The following TTBK2 variants were observed in gnomAD, a reference collection of about 807,000 sequenced individuals.
TTBK2 encodes the protein tau tubulin kinase 2.
A neutral mutation model predicts 110.8 loss-of-function variants in TTBK2; 28 were observed. The ratio of observed to expected loss-of-function variants is 0.25; its 90% CI spans 0.19 to 0.35. The LOEUF (loss-of-function observed/expected upper bound fraction) is 0.35, where lower values mean the gene tolerates loss of function less well. Among genes scored for constraint, TTBK2 ranks in the 10% least tolerant of loss-of-function variants. The probability of loss-of-function intolerance (pLI) is 1.00; values close to 1 mark genes in which losing one functional copy is unlikely to be tolerated. For missense variants in TTBK2, 1,369 were observed against 1,500.3 expected, an observed-to-expected ratio of 0.91 and a Z score of 1.45; for synonymous variants, 532 against 527.3, an observed-to-expected ratio of 1.01 and a Z score of -0.12.
At chr15:42,816,081 AATAAATATATATATATATATATATATAT>A (rs1892000104) in intron 7 of TTBK2, among the ~76,000 whole-genome samples, 1 of 60,318 alleles carries the variant, frequency 1.7e-5, no homozygotes, top group African/African-American at 9.9e-5. Context: ...AAAATAAATA[AATAAATATATATATATATATATATATAT>A]ATATATATAT....
chr15:42,801,024 T>A, intron 9 of TTBK2: 1 of 765,784 alleles, frequency 1.3e-6, no homozygotes, highest in Non-Finnish European at 2.4e-6. Context: ...TTCGATCTTC[T>A]TCATGACCAC....
chr15:42,794,600 T>G (rs766658894), intron 10 of TTBK2, 44 bp downstream of exon 10: 38 of 1,613,890 alleles, frequency 2.4e-5, no homozygotes, highest in Non-Finnish European at 3.2e-5. Flanking sequence ...GCAAATATAA[T>G]ACATCCAGGA....
chr15:42,847,038 T>C (rs1893497008), intron 3 of TTBK2, among the ~76,000 whole-genome samples: 1 of 152,148 alleles, frequency 6.6e-6, no homozygotes, highest in Admixed American at 6.5e-5. Context: ...GTAAACATGT[T>C]TCCCTGAGTT....
chr15:42,790,288 AT>A (rs5812234), intron 10 of TTBK2, among the ~76,000 whole-genome samples: 62 of 144,348 alleles, frequency 4.3e-4, no homozygotes, highest in Admixed American at 7.6e-4. Context: ...TTCTTTGTCT[AT>A]TTTTTTTTTT....
chr15:42,835,428 C>T lies in TTBK2; in HGVS notation c.291+4932G>A, dbSNP rs187097167. The stretch of plus-strand genomic sequence containing the variant: ...GACAGAAATACATATTAAAGACAAC[C>T]ACAGGGAAACAACCAGCAAAATCCA... On this transcript the variant is annotated intron_variant, in intron 4 of 14. Coordinates refer to ENST00000267890, the MANE Select transcript of TTBK2 (RefSeq NM_173500.4). Among the ~76,000 whole-genome samples, 45 of 152,020 alleles carry T rather than the reference C, an allele frequency of 3.0e-4. No homozygotes were observed. The Middle Eastern group carries it at 0.01, about 34-fold the overall frequency.
At chr15:42,850,412 T>C (rs150562100) in intron 3 of TTBK2, among the ~76,000 whole-genome samples, 2 of 152,252 alleles carry the variant, frequency 1.3e-5, no homozygotes, top group African/African-American at 4.8e-5. Flanking sequence ...CAATGGTACT[T>C]TGAATTTTGG....
intron 10 of TTBK2, among the ~76,000 whole-genome samples, chr15:42,791,328 T>C (rs1414441286): frequency 6.6e-6 from 1 of 152,208 alleles, no homozygotes; most frequent in African/African-American, 2.4e-5. Flanking sequence ...AGTTCTCTGT[T>C]TTTAAATCTA....
In TTBK2 at chr15:42,777,188, G is replaced by A. The variant is rs367624684; in HGVS notation, c.1252C>T (p.Pro418Ser). Residue 418 changes from proline (P) to serine (S), a missense_variant, in exon 12 of 15, where the codon CCA becomes TCA. Pro to Ser is a moderately conservative substitution (Grantham distance 74, BLOSUM62 -1). This residue lies in a region of TTBK2 where 1,097 missense variants were observed against 1,114.7 expected (regional missense o/e 0.98). Transcript: ENST00000267890. ...ACACGAATTGGTGACCCAAGGCTTG[G>A]AGCATTGAGAAGACCATTTGCCTGG... ...HGQANGLLNAPSLGSPIRVRS... is the reference protein window; with the variant it reads ...HGQANGLLNASSLGSPIRVRS... The A allele has an allele frequency of 2.5e-6, 4 of 1,614,156 alleles. No homozygotes were observed. In the South Asian group the frequency reaches 4.4e-5, roughly 18 times the overall value.
chr15:42,791,598 T>G (rs1354218689), intron 10 of TTBK2, among the ~76,000 whole-genome samples: 1 of 152,210 alleles, frequency 6.6e-6, no homozygotes, highest in Non-Finnish European at 1.5e-5. Context: ...ATTTTGTCTT[T>G]GCCTTCTATT....
intron 1 of TTBK2, among the ~76,000 whole-genome samples, chr15:42,905,134 A>G (rs185244586): frequency 7.2e-5 from 11 of 152,148 alleles, no homozygotes; most frequent in African/African-American, 2.4e-4. Context: ...TTGGCCTCCT[A>G]AAGTGCTGGG....
intron 14 of TTBK2, among the ~76,000 whole-genome samples, chr15:42,746,696 T>A (rs533545647): frequency 6.6e-6 from 1 of 152,178 alleles, no homozygotes; most frequent in Non-Finnish European, 1.5e-5. Flanking sequence ...AAACACGAAA[T>A]CCCACAATGT....
At chr15:42,759,589 C>T (rs893855340) in intron 13 of TTBK2, among the ~76,000 whole-genome samples, 1 of 152,210 alleles carries the variant, frequency 6.6e-6, no homozygotes, top group Admixed American at 6.5e-5. Flanking sequence ...TGAGACCATA[C>T]CCAGAAAAAC....
chr15:42,781,537 T>C (rs1315577819), intron 11 of TTBK2, among the ~76,000 whole-genome samples: 1 of 152,180 alleles, frequency 6.6e-6, no homozygotes, highest in East Asian at 1.9e-4. Flanking sequence ...CTCTCAGTAC[T>C]GCTTTAGCTA....
At chr15:42,802,453 AGAAGCTGCTTCTTGGTCTGCACACAGTC>A (rs770546339) in intron 9 of TTBK2, 1 of 682,358 alleles carries the variant, frequency 1.5e-6, no homozygotes, top group Non-Finnish European at 2.7e-6. Context: ...GAAGGAGTGG[AGAAGCTGCTTCTTGGTCTGCACACAGTC>A]TTTACTTCTC....
At chr15:42,822,606 A>C (rs1030750573) in intron 6 of TTBK2, among the ~76,000 whole-genome samples, 4 of 152,188 alleles carry the variant, frequency 2.6e-5, no homozygotes, top group Non-Finnish European at 5.9e-5. Context: ...AGAAAAAAAA[A>C]CAGAAAAATA....
chr15:42,915,190 ATTGTT>A (rs2031014013), intron 1 of TTBK2, among the ~76,000 whole-genome samples: 1 of 152,222 alleles, frequency 6.6e-6, no homozygotes, highest in African/African-American at 2.4e-5. Context: ...TAAATTGTAT[ATTGTT>A]TTGAGTATGG....
In TTBK2 at chr15:42,917,230, T is replaced by TA. The variant is rs202093849; in HGVS notation, c.-68+3207dup. ...CACCAAGGATTATAGAGACAAAGGT[T>TA]AAAAAAAAAATCACAGGAAAAAAAA... On this transcript the variant is annotated intron_variant, in intron 1 of 14. Transcript: ENST00000267890. Among the ~76,000 whole-genome samples, 641 of 148,816 alleles carry TA rather than the reference T, an allele frequency of 4.3e-3. 36 individuals carry two copies. In the East Asian group the frequency reaches 0.11, roughly 25 times the overall value.
At chr15:42,804,810 C>G (rs574735051) in intron 9 of TTBK2, among the ~76,000 whole-genome samples, 1 of 152,186 alleles carries the variant, frequency 6.6e-6, no homozygotes, top group South Asian at 2.1e-4. Context: ...CACATTTGTA[C>G]CAAAAAAAGT....
chr15:42,825,846 T>C (rs1321090928), intron 6 of TTBK2, among the ~76,000 whole-genome samples: 1 of 152,144 alleles, frequency 6.6e-6, no homozygotes, highest in Non-Finnish European at 1.5e-5. Context: ...GCTATCATCA[T>C]AGTAAGCTGT....
Sources: allele counts gnomAD v4.1 joint callset (sites outside exome capture counted in the v4.1 genomes callset), GRCh38; gene constraint gnomAD v4.1.1; regional missense constraint gnomAD v4.1.1; transcripts MANE v1.5; gene names NCBI Gene and HGNC (gene_info 2026-07-23, HGNC 2026-07-21).